ANKMY2: variants seen among roughly 807,000 people sequenced by gnomAD.
ANKMY2 encodes the protein ankyrin repeat and MYND domain-containing protein 2.
Under a neutral mutation model 50.4 loss-of-function variants are expected in ANKMY2, and 36 were observed. The ratio of observed to expected loss-of-function variants is 0.71; its 90% confidence interval spans 0.55 to 0.94. The LOEUF (loss-of-function observed/expected upper bound fraction) is 0.94, where lower values mean the gene tolerates loss of function less well. ANKMY2 is among the 40% of genes least tolerant of loss of function. ANKMY2 has a pLI of 0.00. For missense variants in ANKMY2, 565 were observed against 524.0 expected (o/e 1.08, Z -0.76); for synonymous variants, 187 against 178.8 (o/e 1.05, Z -0.36).
At chr7:16,625,113 G>A in intron 3 of ANKMY2, 32 bp from the exon 4 acceptor site, 3 of 1,538,894 alleles carry the variant, frequency 1.9e-6, no homozygotes, top group Non-Finnish European at 2.7e-6. Context: ...ATTTGTTAAT[G>A]TTAAGGAGGA....
At chr7:16,636,826 G>GTAAT (rs1781668547) in intron 1 of ANKMY2, among the ~76,000 whole-genome samples, 1 of 152,160 alleles carries the variant, frequency 6.6e-6, no homozygotes, top group African/African-American at 2.4e-5. Flanking sequence ...TCCAGTCAAT[G>GTAAT]TAATACTTGG....
rs1019605415 is a variant in ANKMY2 at position 16,645,722 on chromosome 7, C to G, written c.-149G>C. On this transcript the variant is annotated 5_prime_UTR_variant, in exon 1 of 10. Coordinates refer to ENST00000306999, the MANE Select transcript of ANKMY2 (RefSeq NM_020319.3). ...GCGGAAACGCTTCGCTTCTCTCCTC[C>G]CTCCCGCGGGCTGGCGGACAGCGGG... is the stretch of plus-strand genomic sequence containing the variant. The G allele has an allele frequency of 2.3e-6, 2 of 864,166 alleles. No individual in the cohort carries two copies. The highest frequency in any genetic ancestry group is 3.3e-6 in the Non-Finnish European group (2 of 600,902). 53.5% of individuals were successfully genotyped at this position (864,166 alleles called of 1,614,324 possible).
chr7:16,620,174 A>G (rs1202044390), intron 4 of ANKMY2, among the ~76,000 whole-genome samples: 1 of 152,224 alleles, frequency 6.6e-6, no homozygotes, highest in African/African-American at 2.4e-5. Context: ...TCTAAAGACA[A>G]AAATGCAAAA....
rs377500502 is a variant in ANKMY2, at chr7:16,602,521, T to G, written c.1012-12A>C. On this transcript the variant is annotated splice_polypyrimidine_tract_variant and intron_variant, in intron 8 of 9. Transcript: ENST00000306999. Reference sequence around the variant, plus strand: ...TCACAATATATTACCTGAAAGCAATTGTTGGTTTATTTTCATTTCCAGAGC... The same window carrying G: ...TCACAATATATTACCTGAAAGCAATGGTTGGTTTATTTTCATTTCCAGAGC... 3.1e-5 allele frequency: 49 copies of G among 1,606,410 alleles called. No individual in the cohort carries two copies. Among genetic ancestry groups the G allele is most frequent in the Non-Finnish European group, 4.1e-5 (48 of 1,177,858 alleles).
At chr7:16,624,368 G>C (rs17169564) in intron 4 of ANKMY2, among the ~76,000 whole-genome samples, 26,402 of 152,014 alleles carry the variant, frequency 0.17, 2,567 homozygotes, top group Middle Eastern at 0.26. Flanking sequence ...TCAAGCAATA[G>C]GATTAACATG....
chr7:16,643,843 A>ACC (rs140248186), intron 1 of ANKMY2, among the ~76,000 whole-genome samples: 5 of 134,726 alleles, frequency 3.7e-5, no homozygotes, highest in Admixed American at 7.5e-5. Context: ...ACATAGGGAG[A>ACC]CCCCCACCAC....
chr7:16,603,755 G>A (rs1781111448), intron 8 of ANKMY2: 1 of 468,282 alleles, frequency 2.1e-6, no homozygotes, highest in Admixed American at 2.3e-5. Flanking sequence ...TAGTCCTTGA[G>A]AGGTCTTCTG....
At chr7:16,632,671 G>A (rs1421018426) in intron 2 of ANKMY2, among the ~76,000 whole-genome samples, 7 of 152,208 alleles carry the variant, frequency 4.6e-5, no homozygotes, top group Admixed American at 3.3e-4. Context: ...CATTTGGGTT[G>A]TATCTACCTT....
intron 4 of ANKMY2, among the ~76,000 whole-genome samples, chr7:16,618,126 A>G (rs1018049453): frequency 1.4e-4 from 21 of 151,934 alleles, no homozygotes; most frequent in African/African-American, 5.1e-4. Context: ...GGGTTTCACT[A>G]TGTTTGCCAG....
intron 5 of ANKMY2, 123 bp downstream of exon 5, chr7:16,615,621 C>T (rs1381541556): frequency 1.7e-6 from 2 of 1,190,766 alleles, no homozygotes; most frequent in African/African-American, 3.1e-5. Context: ...GCCAAAAGAG[C>T]CCACTGCAAG....
intron 2 of ANKMY2, among the ~76,000 whole-genome samples, chr7:16,633,129 C>T (rs1476587274): frequency 1.3e-5 from 2 of 149,958 alleles, no homozygotes; most frequent in Non-Finnish European, 3.0e-5. Context: ...TGTAGAAGTT[C>T]TTATTATTTT....
intron 6 of ANKMY2, among the ~76,000 whole-genome samples, chr7:16,609,967 A>G (rs1450363228): frequency 6.6e-6 from 1 of 152,220 alleles, no homozygotes; most frequent in Non-Finnish European, 1.5e-5. Context: ...CATTAAATGA[A>G]TATGCAAAGG....
At chr7:16,602,727 G>T (rs2128341506) in intron 8 of ANKMY2, among the ~76,000 whole-genome samples, 1 of 152,294 alleles carries the variant, frequency 6.6e-6, no homozygotes, top group African/African-American at 2.4e-5. Flanking sequence ...GGAGGTGATA[G>T]GATCATGGGG....
intron 1 of ANKMY2, among the ~76,000 whole-genome samples, chr7:16,639,022 C>A (rs1010011332): frequency 6.6e-6 from 1 of 152,146 alleles, no homozygotes; most frequent in South Asian, 2.1e-4. Context: ...GAAAAATAAT[C>A]TGAAACAGAT....
intron 1 of ANKMY2, among the ~76,000 whole-genome samples, chr7:16,639,678 A>C (rs1441276473): frequency 3.3e-5 from 5 of 152,242 alleles, no homozygotes. Context: ...GCTACTCAGG[A>C]GGCTGAGGTG....
chr7:16,617,794 C>G (rs374053681), intron 4 of ANKMY2, among the ~76,000 whole-genome samples: 1 of 151,810 alleles, frequency 6.6e-6, no homozygotes, highest in Non-Finnish European at 1.5e-5. Flanking sequence ...AGCACAAACC[C>G]GTTTCTACAA....
At position 16,633,772 on chromosome 7, in the gene ANKMY2, C is replaced by T. The variant is rs546157493; in HGVS notation, c.132+2619G>A. On this transcript the variant is annotated intron_variant, in intron 2 of 9. Transcript: ENST00000306999. ...GTCCATGTACTGTTAATTGGGTTGT[C>T]CAAATTTTCTACATCCTATGTTACT... Among the ~76,000 whole-genome samples, 71 of 152,026 alleles carry T rather than the reference C, an allele frequency of 4.7e-4. No homozygotes were observed. The South Asian group carries it at 0.014, about 29-fold the overall frequency.
intron 1 of ANKMY2, among the ~76,000 whole-genome samples, chr7:16,643,115 G>A (rs1779225405): frequency 6.6e-6 from 1 of 152,108 alleles, no homozygotes; most frequent in African/African-American, 2.4e-5. Flanking sequence ...CCATAACAAC[G>A]TTGTGAGGTG....
chr7:16,620,877 A>C (rs1781426113), intron 4 of ANKMY2, among the ~76,000 whole-genome samples: 1 of 152,220 alleles, frequency 6.6e-6, no homozygotes, highest in Non-Finnish European at 1.5e-5. Context: ...AGGAATTATG[A>C]ATAGCTGTAA....
Sources: allele counts gnomAD v4.1 joint callset (sites outside exome capture counted in the v4.1 genomes callset), GRCh38; gene constraint gnomAD v4.1.1; transcripts MANE v1.5; gene names NCBI Gene and HGNC (gene_info 2026-07-23, HGNC 2026-07-21).